PCDHA4: variants seen among roughly 807,000 people sequenced by gnomAD.
The protein encoded by PCDHA4 is protocadherin alpha 4.
A neutral mutation model predicts 61.4 loss-of-function variants in PCDHA4; 49 were observed. The ratio of observed to expected loss-of-function variants is 0.80; its 90% CI spans 0.63 to 1.01. The LOEUF (loss-of-function observed/expected upper bound fraction) is 1.01. Ranked by LOEUF, PCDHA4 falls within the 50% of genes least tolerant of loss-of-function variation. The pLI is 0.00. For synonymous variants in PCDHA4, 590 were observed against 550.3 expected (o/e 1.07, Z -1.01); for missense variants, 1,254 against 1,235.8 (o/e 1.01, Z -0.22).
chr5:140,985,465 A>T (rs1195143465), intron 3 of PCDHA4, among the ~76,000 whole-genome samples: 1 of 152,126 alleles, frequency 6.6e-6, no homozygotes, highest in Non-Finnish European at 1.5e-5. Flanking sequence ...TGCTCCAAAA[A>T]ATTTGGTTGT....
intron 1 of PCDHA4, among the ~76,000 whole-genome samples, chr5:140,956,777 G>A (rs1470027067): frequency 6.6e-6 from 1 of 152,022 alleles, no homozygotes; most frequent in Admixed American, 6.6e-5. Context: ...GTCTGGTCCT[G>A]GGCTTTGTTT....
intron 1 of PCDHA4, among the ~76,000 whole-genome samples, chr5:140,901,586 T>C (rs550614771): frequency 9.2e-5 from 14 of 152,348 alleles, no homozygotes; most frequent in African/African-American, 3.4e-4. Context: ...AGTGCCATGA[T>C]GTTTTGGTTA....
At chr5:140,886,101 A>G (rs1554182351) in intron 1 of PCDHA4, among the ~76,000 whole-genome samples, 1 of 152,228 alleles carries the variant, frequency 6.6e-6, no homozygotes, top group Admixed American at 6.5e-5. Context: ...ACATTGATAC[A>G]GTAAAGAAGT....
intron 1 of PCDHA4, among the ~76,000 whole-genome samples, chr5:140,933,899 G>T (rs2089496307): frequency 6.6e-6 from 1 of 151,508 alleles, no homozygotes; most frequent in African/African-American, 2.4e-5. Flanking sequence ...TGAATATTTT[G>T]GCATAAAGTT....
chr5:140,838,352 G>A (rs908927118), intron 1 of PCDHA4, among the ~76,000 whole-genome samples: 1 of 150,310 alleles, frequency 6.7e-6, no homozygotes, highest in African/African-American at 2.5e-5. Flanking sequence ...TCGAAATCTG[G>A]GACTCAAGTG....
At chr5:141,006,276 A>T (rs2098265134) in intron 3 of PCDHA4, among the ~76,000 whole-genome samples, 1 of 151,894 alleles carries the variant, frequency 6.6e-6, no homozygotes, top group Admixed American at 6.6e-5. Context: ...CAGTGGCACG[A>T]TCTCAGCTCA....
At position 140,918,968 on chromosome 5, in the gene PCDHA4, G is replaced by A. The variant is rs1028863089; in HGVS notation, c.2386-59981G>A. Among the ~76,000 whole-genome samples, 5 of 152,196 alleles carry A rather than the reference G, an allele frequency of 3.3e-5. 1 individual carries two copies. The highest frequency in any genetic ancestry group is 5.9e-5 in the Non-Finnish European group (4 of 68,034). On this transcript the variant is annotated intron_variant, in intron 1 of 3. Transcript: ENST00000530339. ...TCCTGAACAGACTAAGACAGATATC[G>A]TTTAGGTTAGTTGGTTTTTAGTGTT...
At chr5:140,858,713 G>A (rs1554151978) in intron 1 of PCDHA4, 3 of 521,676 alleles carry the variant, frequency 5.8e-6, no homozygotes, top group African/African-American at 3.9e-5. Context: ...TGTGATATAG[G>A]TTGCAGTTCT....
At chr5:140,870,819 G>C (rs1365807310) in intron 1 of PCDHA4, 3 of 1,613,714 alleles carry the variant, frequency 1.9e-6, no homozygotes, top group South Asian at 1.1e-5. Flanking sequence ...CTGGCAGCGC[G>C]GGAGGCGCAG....
At chr5:140,889,387 C>G (rs1174974313) in intron 1 of PCDHA4, among the ~76,000 whole-genome samples, 1 of 151,966 alleles carries the variant, frequency 6.6e-6, no homozygotes, top group East Asian at 1.9e-4. Context: ...AAGGACCATT[C>G]AGAGTTTAAT....
chr5:140,840,974 G>T (rs1202525007), intron 1 of PCDHA4, among the ~76,000 whole-genome samples: 1 of 152,020 alleles, frequency 6.6e-6, no homozygotes, highest in Non-Finnish European at 1.5e-5. Flanking sequence ...TTATGAAGAA[G>T]AAATCCCTAG....
chr5:140,901,557 A>G (rs782333756), intron 1 of PCDHA4, among the ~76,000 whole-genome samples: 4 of 152,034 alleles, frequency 2.6e-5, no homozygotes, highest in Non-Finnish European at 5.9e-5. Context: ...CCATTCATCT[A>G]TGTGTCTGTT....
chr5:140,824,610 G>GTTTGT (rs1768197195), intron 1 of PCDHA4: 2 of 95,104 alleles, frequency 2.1e-5, no homozygotes, highest in African/African-American at 4.9e-5. Context: ...GCTAATTAAA[G>GTTTGT]TTTTTTTTTT....
chr5:140,924,472 GT>G (rs1436957745), intron 1 of PCDHA4, among the ~76,000 whole-genome samples: 2 of 152,188 alleles, frequency 1.3e-5, no homozygotes, highest in African/African-American at 4.8e-5. Context: ...GAGGTAACTG[GT>G]TTTTAGTGGA....
At chr5:140,927,094 G>C (rs555838945) in intron 1 of PCDHA4, 4 of 1,612,890 alleles carry the variant, frequency 2.5e-6, no homozygotes. Context: ...CTACTTCGGG[G>C]TGGATCTACC....
chr5:141,007,395 CAAAAAAAAAAAAAAAA>C (rs35800918), intron 3 of PCDHA4, among the ~76,000 whole-genome samples: 1 of 94,866 alleles, frequency 1.1e-5, no homozygotes. Context: ...TACTAAAATA[CAAAAAAAAAAAAAAAA>C]AAAAAAATTA....
chr5:140,823,876 A>T lies in PCDHA4; in HGVS notation c.2385+14304A>T, dbSNP rs1311118204. The T allele has an allele frequency of 6.2e-7, 1 of 1,613,886 alleles. No homozygotes were observed. Among genetic ancestry groups the T allele is most frequent in the Non-Finnish European group, 8.5e-7 (1 of 1,179,914 alleles). On this transcript the variant is annotated intron_variant, in intron 1 of 3. Transcript: ENST00000530339. ...GGTGGATGTCAACGTGTACCTGATC[A>T]TCGCCATCTGTGCGGTGTCCAGCCT...
At chr5:140,954,119 C>A (rs547590061) in intron 1 of PCDHA4, among the ~76,000 whole-genome samples, 1 of 152,274 alleles carries the variant, frequency 6.6e-6, no homozygotes, top group African/African-American at 2.4e-5. Flanking sequence ...AGATCTTGTT[C>A]CTTTTTATGG....
intron 1 of PCDHA4, chr5:140,836,055 G>C: frequency 1.2e-6 from 2 of 1,613,604 alleles, no homozygotes; most frequent in Non-Finnish European, 1.7e-6. Context: ...CGTGCTGGAC[G>C]AGAACGACAA....
Sources: allele counts gnomAD v4.1 joint callset (sites outside exome capture counted in the v4.1 genomes callset), GRCh38; gene constraint gnomAD v4.1.1; transcripts MANE v1.5; gene names NCBI Gene and HGNC (gene_info 2026-07-23, HGNC 2026-07-21).